The following SENP1 variants were observed in gnomAD, a reference collection of about 807,000 sequenced individuals.
SENP1 encodes SUMO specific peptidase 1.
In SENP1, 21 loss-of-function variants were observed where a neutral mutation model predicts 93.0. The observed-to-expected ratio is 0.23, with a 90% CI of 0.16 to 0.33. The LOEUF is 0.33. SENP1 is among the 10% of genes least tolerant of loss of function. SENP1 has a pLI of 1.00. For synonymous variants in SENP1, 256 were observed against 259.6 expected, an observed-to-expected ratio of 0.99 and a Z score of 0.13; for missense variants, 591 against 758.7, an observed-to-expected ratio of 0.78 and a Z score of 2.60.
chr12:48,054,933 C>T (rs894497528), intron 13 of SENP1: 7 of 213,168 alleles, frequency 3.3e-5, no homozygotes, highest in African/African-American at 9.3e-5. Context: ...TTTTAAAAAC[C>T]GGAATATTTA....
chr12:48,069,954 A>G (rs1440250977), intron 9 of SENP1, among the ~76,000 whole-genome samples: 1 of 152,238 alleles, frequency 6.6e-6, no homozygotes, highest in African/African-American at 2.4e-5. Context: ...GAAAACTGAT[A>G]TTATTCTCAT....
At chr12:48,095,411 C>T (rs1348787854) in intron 4 of SENP1, among the ~76,000 whole-genome samples, 1 of 151,762 alleles carries the variant, frequency 6.6e-6, no homozygotes, top group Non-Finnish European at 1.5e-5. Flanking sequence ...TGGTGGGTGT[C>T]TGCAATCCCA....
chr12:48,046,577 C>G lies in SENP1; in HGVS notation c.1777-126G>C, dbSNP rs1941383108. ...AATTACAAACAGATGACTCTGGCCC[C>G]CCAGTCAGGACAACAGAGGCTCAAA... On this transcript the variant is annotated intron_variant, in intron 16 of 17. Coordinates refer to ENST00000549518, the MANE Select transcript of SENP1 (RefSeq NM_001267594.2). 13 of 707,226 alleles carry G rather than the reference C, an allele frequency of 1.8e-5. No individual in the cohort carries two copies. In the South Asian group the frequency reaches 2.2e-4, roughly 12 times the overall value. The allele number at this position is 707,226 out of a possible 1,614,324, so 43.8% of individuals were successfully genotyped here. A position where few individuals can be genotyped will look rare whatever the true frequency, so the allele number is the denominator to read the frequency against.
chr12:48,093,595 T>A (rs1945355265), intron 4 of SENP1, among the ~76,000 whole-genome samples: 1 of 152,076 alleles, frequency 6.6e-6, no homozygotes. Context: ...CAGGTCAGGT[T>A]TTGAAGCCAA....
intron 13 of SENP1, chr12:48,054,967 C>G: frequency 4.5e-6 from 1 of 220,968 alleles, no homozygotes; most frequent in South Asian, 7.8e-5. Flanking sequence ...CATTGAAATT[C>G]TTAAGATGAA....
intron 6 of SENP1, among the ~76,000 whole-genome samples, chr12:48,082,215 T>G (rs111449585): frequency 1.1e-4 from 16 of 152,306 alleles, no homozygotes; most frequent in African/African-American, 3.8e-4. Context: ...ACCAAAAATA[T>G]GCACAGCATT....
intron 4 of SENP1, among the ~76,000 whole-genome samples, chr12:48,093,742 G>T (rs1945369834): frequency 6.7e-6 from 1 of 149,028 alleles, no homozygotes; most frequent in Non-Finnish European, 1.5e-5. Context: ...AAAAGAACAT[G>T]TTGACACATG....
chr12:48,046,150 T>G (rs1941344625), intron 17 of SENP1, among the ~76,000 whole-genome samples: 1 of 152,190 alleles, frequency 6.6e-6, no homozygotes, highest in Admixed American at 6.5e-5. Context: ...AACTGAGGTG[T>G]GGTAACCCAG....
chr12:48,079,438 G>A (rs1184321267), intron 6 of SENP1, among the ~76,000 whole-genome samples: 4 of 152,158 alleles, frequency 2.6e-5, no homozygotes, highest in African/African-American at 9.7e-5. Context: ...GACGGAGGTT[G>A]CAGTGAGCCG....
intron 4 of SENP1, among the ~76,000 whole-genome samples, chr12:48,095,535 CAAAAA>C (rs3054235): frequency 7.0e-5 from 6 of 85,868 alleles, no homozygotes; most frequent in East Asian, 3.0e-4. Flanking sequence ...GACTCTGTGT[CAAAAA>C]AAAAAAAAAA....
chr12:48,077,123 T>A (rs1944147549), intron 6 of SENP1, among the ~76,000 whole-genome samples: 1 of 152,252 alleles, frequency 6.6e-6, no homozygotes, highest in African/African-American at 2.4e-5. Flanking sequence ...GTCTTGCCTA[T>A]GTTTTAACAG....
At chr12:48,078,678 G>A (rs1414155165) in intron 6 of SENP1, among the ~76,000 whole-genome samples, 1 of 151,832 alleles carries the variant, frequency 6.6e-6, no homozygotes, top group African/African-American at 2.4e-5. Flanking sequence ...CCGCCACCAC[G>A]CCCAGCTAAC....
rs2136966176 is a variant in SENP1, at chr12:48,065,674, A to G, written c.1041T>C (p.Ser347=). Residue 347 remains serine, a synonymous_variant, in exon 11 of 18, where the codon AGT becomes AGC. Transcript: ENST00000549518. The part of the protein sequence containing the change: ...QAELWIKELT[S]VYDSRARERL... Reference sequence around the variant, plus strand: ...TTTCTCGTGCTCGAGAATCATAAACACTAGTTCTAGAAAATGAAAAGGAAC... The same window carrying G: ...TTTCTCGTGCTCGAGAATCATAAACGCTAGTTCTAGAAAATGAAAAGGAAC... 2 of 1,553,658 alleles carry G rather than the reference A, an allele frequency of 1.3e-6. No homozygotes were observed. Among genetic ancestry groups the G allele is most frequent in the Middle Eastern group, 3.3e-4 (2 of 5,994 alleles).
chr12:48,070,412 T>C (rs60681522), intron 9 of SENP1, among the ~76,000 whole-genome samples: 34,484 of 151,984 alleles, frequency 0.23, 4,578 homozygotes, highest in East Asian at 0.55. Context: ...ATAGCACTTA[T>C]CACAAGGCAT....
chr12:48,076,340 A>G (rs1465406352), intron 6 of SENP1, among the ~76,000 whole-genome samples: 1 of 151,970 alleles, frequency 6.6e-6, no homozygotes. Flanking sequence ...CATGTTAGCC[A>G]GGATAGTCTC....
intron 6 of SENP1, 58 bp downstream of exon 6, chr12:48,083,533 G>C: frequency 7.3e-7 from 1 of 1,377,082 alleles, no homozygotes; most frequent in Non-Finnish European, 1.0e-6. Context: ...GGGAGCAAAT[G>C]GCTCAATGTA....
rs1474221686 is a variant in SENP1, at chr12:48,043,648, GGAAA to G, written c.*1670_*1673del. 1.3e-5 allele frequency: 2 copies of G among 152,168 alleles called. No individual in the cohort carries two copies. The highest frequency in any genetic ancestry group is 2.9e-5 in the Non-Finnish European group (2 of 67,958). 9.4% of individuals were successfully genotyped at this position (152,168 alleles called of 1,614,324 possible). ...AATAAAGAGAGATAGAAAGAGAAAG[GGAAA>G]GAAAGAGAGAGAAAAAACAAACACA... On this transcript the variant is annotated 3_prime_UTR_variant, in exon 18 of 18. Coordinates refer to ENST00000549518, the MANE Select transcript of SENP1 (RefSeq NM_001267594.2).
At chr12:48,065,316 CAA>C (rs1371832883) in intron 11 of SENP1, 96 bp from the exon 12 acceptor site, 2 of 1,029,816 alleles carry the variant, frequency 1.9e-6, no homozygotes, top group East Asian at 5.2e-5. Context: ...TGTCATAAGT[CAA>C]AGAGCGTGCT....
chr12:48,098,215 C>G, intron 2 of SENP1, 91 bp from the exon 3 acceptor site: 1 of 1,320,928 alleles, frequency 7.6e-7, no homozygotes, highest in Admixed American at 2.2e-5. Context: ...AAAAACAATT[C>G]CCACCCAGGC....
Sources: gnomAD v4.1 joint callset for allele counts (sites outside exome capture counted in the v4.1 genomes callset) on GRCh38, gnomAD v4.1.1 for gene constraint, MANE v1.5 for transcripts, NCBI Gene and HGNC (gene_info 2026-07-23, HGNC 2026-07-21) for gene names.